Variants in RTL4 observed in about 807,000 individuals in gnomAD.
RTL4 encodes the protein retrotransposon Gag like 4, also known as retrotransposon Gag-like protein 4.
Under a neutral mutation model 5.3 loss-of-function variants are expected in RTL4, and 4 were observed. That is an observed-to-expected ratio of 0.75 (90% CI 0.37 to 1.72). The LOEUF is 1.72. RTL4 is among the 40% of genes most tolerant of loss of function. The probability of loss-of-function intolerance (pLI) is 0.04; values close to 1 mark genes in which losing one functional copy is unlikely to be tolerated. For synonymous variants in RTL4, 98 were observed against 87.3 expected, an observed-to-expected ratio of 1.12 and a Z score of -0.68; for missense variants, 260 against 227.1, an observed-to-expected ratio of 1.14 and a Z score of -0.93.
the RTL4 span, among the ~76,000 whole-genome samples, chrX:112,130,404 A>C: frequency 9.1e-6 from 1 of 110,202 alleles, no homozygotes; most frequent in African/African-American, 3.3e-5. Context: ...CGAGGTGGGT[A>C]AAAAATCTCA....
the RTL4 span, among the ~76,000 whole-genome samples, chrX:112,191,985 G>A: frequency 0.58 from 62,920 of 107,878 alleles, 16,149 homozygotes; most frequent in South Asian, 0.9. Context: ...TTCTTCCTAG[G>A]TATTTCATTA....
At chrX:112,378,276 CA>C in the RTL4 span, among the ~76,000 whole-genome samples, 1 of 111,158 alleles carries the variant, frequency 9.0e-6, no homozygotes, top group Non-Finnish European at 1.9e-5. Context: ...TGGGTTAATT[CA>C]GTATGGGGAT....
the RTL4 span, among the ~76,000 whole-genome samples, chrX:112,409,208 C>T: frequency 8.9e-6 from 1 of 112,142 alleles, no homozygotes; most frequent in Non-Finnish European, 1.9e-5. Context: ...ATAATAACTA[C>T]AACTTTTGAA....
the RTL4 span, among the ~76,000 whole-genome samples, chrX:112,148,054 G>A: frequency 9.0e-6 from 1 of 111,060 alleles, no homozygotes; most frequent in African/African-American, 3.3e-5. Flanking sequence ...CCTAGCACAG[G>A]ACCTGGTCAG....
the RTL4 span, among the ~76,000 whole-genome samples, chrX:112,386,476 C>T: frequency 1.8e-5 from 2 of 110,473 alleles, no homozygotes; most frequent in African/African-American, 3.3e-5. Flanking sequence ...TTCACTGAAC[C>T]CAATTTGTAG....
At chrX:112,108,546 C>T in the RTL4 span, among the ~76,000 whole-genome samples, 2 of 111,401 alleles carry the variant, frequency 1.8e-5, no homozygotes, top group Non-Finnish European at 1.9e-5. Flanking sequence ...GGCTGTCTGG[C>T]ATGGGTCAAC....
At chrX:112,217,342 T>C in the RTL4 span, among the ~76,000 whole-genome samples, 1 of 111,931 alleles carries the variant, frequency 8.9e-6, no homozygotes, top group Non-Finnish European at 1.9e-5. Flanking sequence ...GCATTATACT[T>C]TATGAAAGGA....
At chrX:112,144,859 C>G in the RTL4 span, among the ~76,000 whole-genome samples, 2 of 111,653 alleles carry the variant, frequency 1.8e-5, no homozygotes, top group Non-Finnish European at 3.8e-5. Context: ...GACAAGTTCC[C>G]TCACTTAACT....
chrX:112,221,708 G>A, the RTL4 span, among the ~76,000 whole-genome samples: 2 of 112,519 alleles, frequency 1.8e-5, no homozygotes, highest in African/African-American at 6.4e-5. Context: ...CACGTAAACT[G>A]AGAATGATGG....
the RTL4 span, among the ~76,000 whole-genome samples, chrX:112,293,793 T>G: frequency 8.9e-6 from 1 of 111,911 alleles, no homozygotes; most frequent in African/African-American, 3.2e-5. Flanking sequence ...AAGCCAGTGG[T>G]TATTCAAAAT....
chrX:112,419,950 A>G, the RTL4 span, among the ~76,000 whole-genome samples: 2 of 110,667 alleles, frequency 1.8e-5, no homozygotes, highest in African/African-American at 6.6e-5. Context: ...TCCAAAGCAG[A>G]GAAAATTACA....
At chrX:112,313,652 C>G in the RTL4 span, among the ~76,000 whole-genome samples, 2 of 110,248 alleles carry the variant, frequency 1.8e-5, no homozygotes, top group Non-Finnish European at 3.8e-5. Flanking sequence ...CTCTCTCTGT[C>G]TCTCTCTTTC....
At chrX:112,397,219 G>A in the RTL4 span, among the ~76,000 whole-genome samples, 5 of 111,739 alleles carry the variant, frequency 4.5e-5, no homozygotes, top group Non-Finnish European at 9.4e-5. Flanking sequence ...TCTTATATAA[G>A]TGGTGTAGTA....
chrX:112,395,695 C>G, the RTL4 span, among the ~76,000 whole-genome samples: 1 of 111,397 alleles, frequency 9.0e-6, no homozygotes, highest in African/African-American at 3.3e-5. Flanking sequence ...GACTCTAACA[C>G]AAGCAACCTG....
chrX:112,320,569 T>C, the RTL4 span, among the ~76,000 whole-genome samples: 1 of 111,063 alleles, frequency 9.0e-6, no homozygotes, highest in Non-Finnish European at 1.9e-5. Flanking sequence ...TGTGGAGAGA[T>C]AATAGACCAG....
At chrX:112,361,662 C>T in the RTL4 span, among the ~76,000 whole-genome samples, 1 of 110,724 alleles carries the variant, frequency 9.0e-6, no homozygotes, top group East Asian at 2.9e-4. Context: ...GATTCCTCTG[C>T]CACGTCTGGA....
At chrX:112,101,353 A>G in the RTL4 span, among the ~76,000 whole-genome samples, 2 of 112,173 alleles carry the variant, frequency 1.8e-5, no homozygotes, top group Non-Finnish European at 3.8e-5. Flanking sequence ...TGAATGAAGC[A>G]TGTTAACAAT....
At chrX:112,326,723 A>G in the RTL4 span, among the ~76,000 whole-genome samples, 1 of 111,982 alleles carries the variant, frequency 8.9e-6, no homozygotes, top group African/African-American at 3.2e-5. Flanking sequence ...AAACAAAAAG[A>G]CAGCAGTAAC....
chrX:112,452,257 A>ATTTTTTTTTTTTTTTT, upstream of RTL4, among the ~76,000 whole-genome samples: 1 of 65,441 alleles, frequency 1.5e-5, no homozygotes, highest in Non-Finnish European at 2.9e-5. Context: ...CGCGCAGCTA[A>ATTTTTTTTTTTTTTTT]TTTTTTTTTT....
Sources: gnomAD v4.1 joint callset for allele counts (sites outside exome capture counted in the v4.1 genomes callset) on GRCh38, gnomAD v4.1.1 for gene constraint, MANE v1.5 for transcripts, NCBI Gene and HGNC (gene_info 2026-07-23, HGNC 2026-07-21) for gene names.